The following TNK2 variants were observed in gnomAD, a reference collection of about 807,000 sequenced individuals.
TNK2 encodes activated CDC42 kinase 1.
Under a neutral mutation model 101.8 loss-of-function variants are expected in TNK2, and 83 were observed. The observed-to-expected ratio is 0.82, with a 90% CI of 0.68 to 0.98. TNK2 has a LOEUF of 0.98. Ranked by LOEUF, TNK2 falls within the 50% of genes least tolerant of loss-of-function variation. TNK2 has a pLI of 0.00. For missense variants in TNK2, 1,665 were observed against 1,483.2 expected (o/e 1.12, Z -2.01); for synonymous variants, 804 against 633.0 (o/e 1.27, Z -4.06).
In TNK2 at chr3:195,872,332, T is replaced by C. The variant is rs1022645995; in HGVS notation, c.1395A>G (p.Thr465=). Residue 465 remains threonine, a synonymous_variant, in exon 10 of 16, where the codon ACA becomes ACG. Transcript: ENST00000672887. ...GGCGGGGGTCACTGTCGCCATGCCC[T>C]GTGTGGATGAAGCTGTTCTGCAGGG... ...SQPLQNSFIH[T]GHGDSDPRHC... is the part of the protein sequence containing the mutation. 3.1e-6 allele frequency: 5 copies of C among 1,613,154 alleles called. No homozygotes were observed. The African/African-American group carries it at 6.7e-5, about 22-fold the overall frequency.
chr3:195,896,197 C>A (rs1355618046), intron 1 of TNK2: 4 of 434,060 alleles, frequency 9.2e-6, no homozygotes, highest in Non-Finnish European at 1.4e-5. Flanking sequence ...CTCTTCCTCT[C>A]CCCCGGGGCC....
chr3:195,888,449 T>C lies in TNK2; in HGVS notation c.140A>G (p.Glu47Gly), dbSNP rs1182022846. The change falls in exon 2 of 16, where the codon GAG becomes GGG. Residue 47 changes from glutamate (E) to glycine (G), a missense_variant. Transcript: ENST00000672887. The surrounding 1 kb of genome is among the most constrained non-coding windows in gnomAD (Gnocchi z 5.3). ...ACCAGGCCGACCCATGCCGATCTTC[T>C]CCAGGTCCTCATTCTTGACGTACTC... ...HFEYVKNEDL[E>G]KIGMGRPGQR... is the part of the protein sequence containing the mutation. 1 of 1,613,592 alleles carries C rather than the reference T, an allele frequency of 6.2e-7. No homozygotes were observed. Among genetic ancestry groups the C allele is most frequent in the Non-Finnish European group, 8.5e-7 (1 of 1,179,854 alleles).
At chr3:195,902,870 C>A (rs1167667704) in intron 1 of TNK2, among the ~76,000 whole-genome samples, 1 of 151,788 alleles carries the variant, frequency 6.6e-6, no homozygotes, top group Admixed American at 6.6e-5. Flanking sequence ...GTGCCTCGGC[C>A]TCCCAAGTAG....
rs750515330 is a variant in TNK2, at chr3:195,868,203, C to T, written c.2095G>A (p.Glu699Lys). Residue 699 changes from glutamate to lysine, a missense_variant, in exon 13 of 16, where the codon GAG becomes AAG. Physicochemically the swap from Glu to Lys is moderately conservative, Grantham distance 56. Coordinates refer to ENST00000672887, the MANE Select transcript of TNK2 (RefSeq NM_001382273.1). ...PEQARPPPPL[E>K]DNLFLPPQGG... is the part of the protein sequence containing the mutation. ...TGGGGCGGGAGGAACAGGTTGTCCT[C>T]CAGGGGAGGGGGCGGCCGCGCCTGC... 6.2e-7 allele frequency: 1 copy of T among 1,608,734 alleles called. No homozygotes were observed. The highest frequency in any genetic ancestry group is 1.3e-5 in the African/African-American group (1 of 74,960).
At chr3:195,897,364 T>C (rs1328129256) in intron 1 of TNK2, among the ~76,000 whole-genome samples, 1 of 152,192 alleles carries the variant, frequency 6.6e-6, no homozygotes, top group East Asian at 1.9e-4. Context: ...TGACTGTCCA[T>C]AGTCTCTCCA....
chr3:195,871,882 G>A (rs1745575666), intron 10 of TNK2, among the ~76,000 whole-genome samples: 1 of 152,086 alleles, frequency 6.6e-6, no homozygotes, highest in South Asian at 2.1e-4. Context: ...AAATGGCAGG[G>A]ACAGCATTCC....
In TNK2 at chr3:195,868,603, C is replaced by T. The variant is rs1260702791; in HGVS notation, c.1695G>A (p.Lys565=). The T allele has an allele frequency of 1.3e-6, 2 of 1,581,856 alleles. No homozygotes were observed. The highest frequency in any genetic ancestry group is 1.7e-6 in the Non-Finnish European group (2 of 1,172,886). The change falls in exon 13 of 16, where the codon AAG becomes AAA. Residue 565 remains lysine, a synonymous_variant. Coordinates refer to ENST00000672887, the MANE Select transcript of TNK2 (RefSeq NM_001382273.1). ...PGLPRGLWLA[K]PSARVPGTKA... ...TGGTGCCCGGCACCCGCGCCGAGGG[C>T]TTCGCCAGCCACAGCCCTCGGGGCA...
intron 1 of TNK2, among the ~76,000 whole-genome samples, chr3:195,904,445 A>G (rs951440666): frequency 2.6e-5 from 4 of 152,128 alleles, no homozygotes; most frequent in Admixed American, 6.6e-5. Context: ...AAGCACAAAC[A>G]CTGTAAAATT....
intron 1 of TNK2, among the ~76,000 whole-genome samples, chr3:195,893,135 G>C (rs1759270793): frequency 6.6e-6 from 1 of 151,974 alleles, no homozygotes; most frequent in African/African-American, 2.4e-5. Flanking sequence ...TGAGTGGGAG[G>C]CTTGGACCCC....
chr3:195,887,738 CGTGTGTGTGCACACGCGTGTGCGCACGT>C (rs1560527243), intron 2 of TNK2, among the ~76,000 whole-genome samples: 2 of 151,838 alleles, frequency 1.3e-5, no homozygotes, highest in South Asian at 2.1e-4. Context: ...TGTGTATGTG[CGTGTGTGTGCACACGCGTGTGCGCACGT>C]GTGTGCGTCT....
chr3:195,889,902 C>CA (rs979465491), intron 1 of TNK2, among the ~76,000 whole-genome samples: 4 of 152,194 alleles, frequency 2.6e-5, no homozygotes, highest in African/African-American at 9.7e-5. Flanking sequence ...GGCTGGGGAC[C>CA]AAGCCATCCC....
chr3:195,892,776 C>T, intron 1 of TNK2: 3 of 1,224,656 alleles, frequency 2.4e-6, no homozygotes, highest in South Asian at 5.9e-5. Flanking sequence ...CCCGGCTTCC[C>T]CACCCAACTG....
At chr3:195,872,173 C>T (rs931210775) in intron 10 of TNK2, 103 bp downstream of exon 10, 34 of 1,336,856 alleles carry the variant, frequency 2.5e-5, no homozygotes, top group East Asian at 5.2e-5. Flanking sequence ...GGCTGAAGCC[C>T]GGGCGAAAGG....
At chr3:195,866,002 T>TC (rs575457987) in intron 15 of TNK2, among the ~76,000 whole-genome samples, 6,100 of 152,220 alleles carry the variant, frequency 0.04, 142 homozygotes, top group Non-Finnish European at 0.051. Flanking sequence ...CAGCCCCTCC[T>TC]CCCGCCAGTG....
At position 195,882,004 on chromosome 3, in the gene TNK2, G is replaced by A. The variant is rs747720225; in HGVS notation, c.887+47C>T. 3 of 1,572,652 alleles carry A rather than the reference G, an allele frequency of 1.9e-6. No individual in the cohort carries two copies. The highest frequency in any genetic ancestry group is 1.7e-6 in the Non-Finnish European group (2 of 1,156,550). ...TCCAGAAAGCCCCAGAAGCTTTGAG[G>A]CCTGGGTCTGCAGGGACTCTGTGAG... On this transcript the variant is annotated intron_variant, in intron 6 of 15. Coordinates refer to ENST00000672887, the MANE Select transcript of TNK2 (RefSeq NM_001382273.1). The surrounding 1 kb of genome is among the most constrained non-coding windows in gnomAD (Gnocchi z 4.2).
chr3:195,867,968 C>G lies in TNK2; in HGVS notation c.2330G>C (p.Gly777Ala). The G allele has an allele frequency of 6.5e-7, 1 of 1,544,986 alleles. No individual in the cohort carries two copies. Among genetic ancestry groups the G allele is most frequent in the South Asian group, 1.2e-5 (1 of 83,664 alleles). ...AGGCCACTGGCTGGTCTCCTCCTCG[C>G]CCGGGGGGGCTGGAGACAGCTGGAC... ...PHVQLSPAPP[G>A]EEETSQWPGP... Residue 777 changes from glycine (G) to alanine (A), a missense_variant, in exon 13 of 16, where the codon GGC (glycine) becomes GCC (alanine). Gly to Ala is a moderately conservative substitution (Grantham distance 60). This residue lies in a region of TNK2 where 1,136 missense variants were observed against 894.9 expected (regional missense o/e 1.27). Transcript: ENST00000672887.
At chr3:195,872,155 G>T (rs937166208) in intron 10 of TNK2, 121 bp downstream of exon 10, 30 of 1,137,726 alleles carry the variant, frequency 2.6e-5, no homozygotes, top group Non-Finnish European at 3.6e-5. Context: ...GGAGAGTGGC[G>T]GGTCGGGGGC....
chr3:195,879,916 T>A (rs543469560), intron 6 of TNK2, among the ~76,000 whole-genome samples: 2 of 152,250 alleles, frequency 1.3e-5, no homozygotes, highest in East Asian at 3.9e-4. Flanking sequence ...TACCTTACCA[T>A]GCAAACCAGG....
chr3:195,873,889 C>T (rs1390627937), intron 9 of TNK2, among the ~76,000 whole-genome samples: 1 of 152,170 alleles, frequency 6.6e-6, no homozygotes, highest in African/African-American at 2.4e-5. Context: ...ATACACAGGG[C>T]CACTGGCCTG....
Sources: gnomAD v4.1 joint callset for allele counts (sites outside exome capture counted in the v4.1 genomes callset) on GRCh38, gnomAD v4.1.1 for gene constraint, gnomAD v4.1.1 regional missense constraint, Gnocchi (gnomAD v3.1) non-coding constraint, MANE v1.5 for transcripts, NCBI Gene and HGNC (gene_info 2026-07-23, HGNC 2026-07-21) for gene names.